The following PLCL1 variants were observed in gnomAD, a reference collection of about 807,000 sequenced individuals.
The protein encoded by PLCL1 is inactive phospholipase C-like protein 1.
In PLCL1, 41 loss-of-function variants were observed where a neutral mutation model predicts 84.4. That is an observed-to-expected ratio of 0.49 (90% CI 0.38 to 0.63). PLCL1 has a LOEUF of 0.63. PLCL1 is among the 30% of genes least tolerant of loss of function. The pLI, the probability that PLCL1 is intolerant of heterozygous loss-of-function variation, is 0.00. For synonymous variants in PLCL1, 490 were observed against 488.3 expected, an observed-to-expected ratio of 1.00 and a Z score of -0.05; for missense variants, 1,206 against 1,367.8, an observed-to-expected ratio of 0.88 and a Z score of 1.87.
At chr2:197,843,472 GTTC>G (rs1687054013) in intron 1 of PLCL1, among the ~76,000 whole-genome samples, 1 of 152,116 alleles carries the variant, frequency 6.6e-6, no homozygotes. Flanking sequence ...GAGTACATGT[GTTC>G]TTCTTCCTTC....
At chr2:197,936,683 C>T (rs1239834203) in intron 1 of PLCL1, among the ~76,000 whole-genome samples, 1 of 152,134 alleles carries the variant, frequency 6.6e-6, no homozygotes, top group Non-Finnish European at 1.5e-5. Flanking sequence ...CAGATATTTT[C>T]TACCATTCTG....
At chr2:197,840,986 A>T (rs1005643626) in intron 1 of PLCL1, among the ~76,000 whole-genome samples, 2 of 152,194 alleles carry the variant, frequency 1.3e-5, no homozygotes, top group African/African-American at 4.8e-5. Flanking sequence ...AATTTCTTCA[A>T]CACTTCAGGG....
At position 198,131,233 on chromosome 2, in the gene PLCL1, C is replaced by T. The variant is rs77450533; in HGVS notation, c.3106-15547C>T. Reference sequence around the variant, plus strand: ...CCTGTTGTTTTCACACTGCATGGGGCACTGTTATCTGTACTTCAGGTGTTT... The same window carrying T: ...CCTGTTGTTTTCACACTGCATGGGGTACTGTTATCTGTACTTCAGGTGTTT... On this transcript the variant is annotated intron_variant, in intron 5 of 5. Transcript: ENST00000428675. 5.0e-3 allele frequency among the ~76,000 whole-genome samples: 763 copies of T among 152,236 alleles called. 10 individuals carry two copies. The highest frequency in any genetic ancestry group is 0.018 in the African/African-American group (729 of 41,560).
intron 5 of PLCL1, among the ~76,000 whole-genome samples, chr2:198,132,321 T>C (rs1474015437): frequency 6.6e-6 from 1 of 152,150 alleles, no homozygotes; most frequent in African/African-American, 2.4e-5. Flanking sequence ...GCAGGGCCAT[T>C]CCAACTCAAG....
intron 1 of PLCL1, among the ~76,000 whole-genome samples, chr2:197,966,009 T>A (rs2105793324): frequency 6.6e-6 from 1 of 152,174 alleles, no homozygotes; most frequent in South Asian, 2.1e-4. Context: ...CTGCCAGGAC[T>A]GGGTTCTTCC....
intron 5 of PLCL1, among the ~76,000 whole-genome samples, chr2:198,119,603 C>T (rs1693823882): frequency 1.3e-5 from 2 of 151,936 alleles, no homozygotes; most frequent in South Asian, 4.1e-4. Flanking sequence ...TATCCATTGC[C>T]TTTCCAGGGA....
chr2:198,055,078 A>G (rs1692029407), intron 1 of PLCL1, among the ~76,000 whole-genome samples: 1 of 152,210 alleles, frequency 6.6e-6, no homozygotes, highest in African/African-American at 2.4e-5. Flanking sequence ...AATGAAGACA[A>G]ACAGGAAACC....
At chr2:197,886,454 T>TAAAAAAAAAAAAAA (rs1687925468) in intron 1 of PLCL1, among the ~76,000 whole-genome samples, 14 of 90,516 alleles carry the variant, frequency 1.5e-4, no homozygotes, top group East Asian at 4.1e-4. Context: ...AAAAAAAAAG[T>TAAAAAAAAAAAAAA]AAAATTCTTC....
At chr2:198,080,198 A>C (rs553168573) in intron 1 of PLCL1, among the ~76,000 whole-genome samples, 1 of 152,384 alleles carries the variant, frequency 6.6e-6, no homozygotes, top group African/African-American at 2.4e-5. Context: ...AAGTGCCAAA[A>C]GTACCCATCT....
At chr2:197,860,596 T>G (rs1687411669) in intron 1 of PLCL1, among the ~76,000 whole-genome samples, 1 of 152,188 alleles carries the variant, frequency 6.6e-6, no homozygotes, top group Non-Finnish European at 1.5e-5. Context: ...GATATCTCAT[T>G]GTGGTTTTGA....
chr2:198,086,347 G>A, intron 2 of PLCL1, 115 bp downstream of exon 2: 1 of 746,482 alleles, frequency 1.3e-6, no homozygotes, highest in Non-Finnish European at 2.1e-6. Context: ...AAGTCTGGGT[G>A]TGGTGACTCA....
At chr2:197,936,130 C>T (rs1689046806) in intron 1 of PLCL1, among the ~76,000 whole-genome samples, 4 of 105,480 alleles carry the variant, frequency 3.8e-5, no homozygotes, top group Admixed American at 1.9e-4. Context: ...ATATATTAAA[C>T]ACCCCCCCCC....
intron 1 of PLCL1, among the ~76,000 whole-genome samples, chr2:197,970,089 G>C (rs1431304593): frequency 6.6e-6 from 1 of 152,170 alleles, no homozygotes; most frequent in East Asian, 1.9e-4. Flanking sequence ...TTCTGTTGCT[G>C]TAACGGAATA....
At chr2:197,943,196 C>CAAAAAAAA (rs869096042) in intron 1 of PLCL1, among the ~76,000 whole-genome samples, 1 of 104,956 alleles carries the variant, frequency 9.5e-6, no homozygotes. Context: ...GACCCTCTCT[C>CAAAAAAAA]AAAAAAAAAA....
chr2:197,930,923 G>T (rs1022029175), intron 1 of PLCL1, among the ~76,000 whole-genome samples: 1 of 152,158 alleles, frequency 6.6e-6, no homozygotes, highest in Admixed American at 6.6e-5. Context: ...AAGATAGGCT[G>T]CTAAAAGTGG....
chr2:197,832,365 T>C (rs372373435), intron 1 of PLCL1, among the ~76,000 whole-genome samples: 94 of 152,284 alleles, frequency 6.2e-4, no homozygotes, highest in African/African-American at 2.2e-3. Flanking sequence ...CATAAGAGAA[T>C]ACTATAAACA....
intron 1 of PLCL1, among the ~76,000 whole-genome samples, chr2:198,031,818 G>A (rs1455841109): frequency 2.0e-5 from 3 of 151,874 alleles, no homozygotes; most frequent in Admixed American, 1.3e-4. Flanking sequence ...TGCCACAAAT[G>A]ACTTAATATT....
intron 5 of PLCL1, among the ~76,000 whole-genome samples, chr2:198,114,870 A>G (rs1466912573): frequency 2.6e-5 from 4 of 151,812 alleles, no homozygotes; most frequent in Non-Finnish European, 5.9e-5. Context: ...ATGCACACAG[A>G]CATTGTCAAA....
intron 1 of PLCL1, among the ~76,000 whole-genome samples, chr2:197,890,682 C>CTA (rs1553500076): frequency 0.29 from 33,980 of 116,118 alleles, 5,830 homozygotes; most frequent in East Asian, 0.47. Flanking sequence ...TATTTTTTTG[C>CTA]TATATATATA....
Sources: gnomAD v4.1 joint callset for allele counts (sites outside exome capture counted in the v4.1 genomes callset) on GRCh38, gnomAD v4.1.1 for gene constraint, MANE v1.5 for transcripts, NCBI Gene and HGNC (gene_info 2026-07-23, HGNC 2026-07-21) for gene names.